The following PDLIM3 variants were observed in gnomAD, a reference collection of about 807,000 sequenced individuals.
PDLIM3 encodes the protein PDZ and LIM domain 3.
In PDLIM3, 36 loss-of-function variants were observed where a neutral mutation model predicts 37.3. The observed-to-expected ratio is 0.97, with a 90% CI of 0.74 to 1.28. The LOEUF is 1.28. Ranked by LOEUF, PDLIM3 falls within the 50% of genes most tolerant of loss-of-function variation. The probability of loss-of-function intolerance (pLI) is 0.00; values close to 1 mark genes in which losing one functional copy is unlikely to be tolerated. For missense variants in PDLIM3, 454 were observed against 485.0 expected (o/e 0.94, Z 0.60); for synonymous variants, 174 against 182.4 (o/e 0.95, Z 0.37).
intron 1 of PDLIM3, among the ~76,000 whole-genome samples, chr4:185,529,635 A>C (rs2095740442): frequency 6.6e-6 from 1 of 152,158 alleles, no homozygotes; most frequent in Admixed American, 6.5e-5. Flanking sequence ...TTATATTAGA[A>C]TCTCTGCATG....
At position 185,512,720 on chromosome 4, in the gene PDLIM3, A is replaced by G. The variant is rs556331604; in HGVS notation, c.398+1550T>C. On this transcript the variant is annotated intron_variant, in intron 4 of 7. Coordinates refer to ENST00000284767, the MANE Select transcript of PDLIM3 (RefSeq NM_014476.6). ...TGTGTGGGTGGACTCAGTCACACTAACCTGAAAAGAATGCAAGTGATTAAT... is the reference window on the plus strand; with the variant it reads ...TGTGTGGGTGGACTCAGTCACACTAGCCTGAAAAGAATGCAAGTGATTAAT... The G allele has an allele frequency of 1.5e-5, 15 of 985,272 alleles. No homozygotes were observed. The African/African-American group carries it at 2.6e-4, about 17-fold the overall frequency. The allele number at this position is 985,272 out of a possible 1,614,324, so 61.0% of individuals were successfully genotyped here.
intron 6 of PDLIM3, among the ~76,000 whole-genome samples, chr4:185,505,384 G>T (rs1407536389): frequency 6.6e-6 from 1 of 152,226 alleles, no homozygotes; most frequent in Non-Finnish European, 1.5e-5. Context: ...AGCACTCTGG[G>T]AGGCCGAGGC....
Position 185,506,589 on chromosome 4 carries a change from A to T in PDLIM3, c.726T>A (p.Asn242Lys). The T allele has an allele frequency of 6.2e-7, 1 of 1,612,640 alleles. No homozygotes were observed. The highest frequency in any genetic ancestry group is 8.5e-7 in the Non-Finnish European group (1 of 1,180,010). ...DVYRMLHDNR[N>K]EPTQPRQSGS... ...CCGACTGGCGAGGCTGTGTGGGCTC[A>T]TTCCGATTGTCGTGGAGCATCCGGT... The change falls in exon 6 of 8, where the codon AAT becomes AAA. Residue 242 changes from asparagine (N) to lysine (K), a missense_variant. By Grantham distance (94) the Asn-to-Lys change is moderately conservative. Coordinates refer to ENST00000284767, the MANE Select transcript of PDLIM3 (RefSeq NM_014476.6).
intron 4 of PDLIM3, among the ~76,000 whole-genome samples, chr4:185,511,772 T>A (rs2095706969): frequency 1.3e-5 from 2 of 152,210 alleles, no homozygotes; most frequent in Non-Finnish European, 2.9e-5. Context: ...GAGGAGTGGA[T>A]GTGGAATGTT....
rs2095686936 is a variant in PDLIM3 at position 185,501,416 on chromosome 4, T to G, written c.*878A>C. 6.6e-6 allele frequency: 1 copy of G among 152,104 alleles called. No individual in the cohort carries two copies. The highest frequency in any genetic ancestry group is 1.5e-5 in the Non-Finnish European group (1 of 68,040). The allele number at this position is 152,104 out of a possible 1,614,324, so 9.4% of individuals were successfully genotyped here. A position where few individuals can be genotyped will look rare whatever the true frequency, so the allele number is the denominator to read the frequency against. On this transcript the variant is annotated 3_prime_UTR_variant, in exon 8 of 8. Transcript: ENST00000284767. Reference sequence around the variant, plus strand: ...ATGCCATCTTGGGAAGAGGAGGAGGTGGTGAACCATTGAGCCTAAGAAACA... The same window carrying G: ...ATGCCATCTTGGGAAGAGGAGGAGGGGGTGAACCATTGAGCCTAAGAAACA...
At chr4:185,533,056 G>C (rs56131401) in intron 1 of PDLIM3, among the ~76,000 whole-genome samples, 18,553 of 152,112 alleles carry the variant, frequency 0.12, 1,406 homozygotes, top group South Asian at 0.28. Flanking sequence ...TGTGATCATC[G>C]GCGGGTTAAT....
rs1297078023 is a variant in PDLIM3 at position 185,504,195 on chromosome 4, T to C, written c.905+280A>G. Among the ~76,000 whole-genome samples, 1 of 152,152 alleles carries C rather than the reference T, an allele frequency of 6.6e-6. No individual in the cohort carries two copies. The highest frequency in any genetic ancestry group is 2.4e-5 in the African/African-American group (1 of 41,432). ...GAGTTTAAAGTGAAGTCTTGATTCT[T>C]AGACGTGACTTTTCAACATACATTT... On this transcript the variant is annotated intron_variant, in intron 7 of 7. Coordinates refer to ENST00000284767, the MANE Select transcript of PDLIM3 (RefSeq NM_014476.6). This position sits in a 1 kb window ranked among gnomAD's most constrained non-coding sequence, Gnocchi z 4.7.
intron 4 of PDLIM3, chr4:185,513,600 G>A: frequency 1.0e-6 from 1 of 986,312 alleles, no homozygotes; most frequent in Non-Finnish European, 1.2e-6. Context: ...TGCAACAGCT[G>A]CGGTAAATCA....
chr4:185,508,900 T>G (rs563088837), intron 4 of PDLIM3, among the ~76,000 whole-genome samples: 12 of 152,348 alleles, frequency 7.9e-5, no homozygotes, highest in African/African-American at 2.9e-4. Flanking sequence ...CCTCACTTTT[T>G]AAAAATAGGC....
At chr4:185,517,324 C>T (rs1416307382) in intron 3 of PDLIM3, 1 of 125,200 alleles carries the variant, frequency 8.0e-6, no homozygotes, top group African/African-American at 2.9e-5. Flanking sequence ...AGTACTGAAT[C>T]ACTTAAGTTT....
At chr4:185,509,683 G>A (rs2095703640) in intron 4 of PDLIM3, among the ~76,000 whole-genome samples, 1 of 152,160 alleles carries the variant, frequency 6.6e-6, no homozygotes, top group African/African-American at 2.4e-5. Flanking sequence ...TCCAGTTAGT[G>A]TTGCTGTAAG....
At chr4:185,512,079 GCACTCTTAT>G (rs1435373261) in intron 4 of PDLIM3, 1 of 146,950 alleles carries the variant, frequency 6.8e-6, no homozygotes, top group Non-Finnish European at 1.5e-5. Context: ...GATGTTGGGG[GCACTCTTAT>G]AATTCTTTTT....
chr4:185,527,585 G>A (rs564098670), intron 1 of PDLIM3, among the ~76,000 whole-genome samples: 37 of 152,288 alleles, frequency 2.4e-4, no homozygotes, highest in Non-Finnish European at 4.7e-4. Flanking sequence ...TTTCATAGCC[G>A]TTTTCCATTT....
rs902530864 is a variant in PDLIM3, at chr4:185,514,760, T to C, written c.331-423A>G. 5 of 1,551,966 alleles carry C rather than the reference T, an allele frequency of 3.2e-6. No individual in the cohort carries two copies. The highest frequency in any genetic ancestry group is 1.2e-5 in the South Asian group (1 of 84,060). ...CTGTCCGTGAAGCGCATCTTGTATA[T>C]TGCTAGTTGAATAGAGCCCAATTGG... On this transcript the variant is annotated intron_variant, in intron 3 of 7. Transcript: ENST00000284767. The surrounding 1 kb of genome is among the most constrained non-coding windows in gnomAD (Gnocchi z 4.0).
chr4:185,509,688 T>TGTAA (rs1191403518), intron 4 of PDLIM3, among the ~76,000 whole-genome samples: 1 of 152,202 alleles, frequency 6.6e-6, no homozygotes. Context: ...TTAGTGTTGC[T>TGTAA]GTAAGCTCAA....
chr4:185,531,855 G>T (rs1266172003), intron 1 of PDLIM3, among the ~76,000 whole-genome samples: 1 of 151,562 alleles, frequency 6.6e-6, no homozygotes, highest in Non-Finnish European at 1.5e-5. Context: ...TTGGGAAGCT[G>T]AGGTGGGCGG....
At chr4:185,509,595 A>AT (rs11419387) in intron 4 of PDLIM3, among the ~76,000 whole-genome samples, 4,528 of 152,262 alleles carry the variant, frequency 0.03, 221 homozygotes, top group African/African-American at 0.1. Flanking sequence ...ATACCAAGAG[A>AT]TTTTTGTAAA....
rs148256486 is a variant in PDLIM3, at chr4:185,506,619, G to C, written c.696C>G (p.Asp232Glu). 3.7e-6 allele frequency: 6 copies of C among 1,609,028 alleles called. No homozygotes were observed. In the African/African-American group the frequency reaches 6.7e-5, roughly 18 times the overall value. ...EPTASVPPES[D>E]VYRMLHDNRN... ...GATTGTCGTGGAGCATCCGGTACACGTCCGACTCGGGGGGCACCGAGGCTG... is the reference window on the plus strand; with the variant it reads ...GATTGTCGTGGAGCATCCGGTACACCTCCGACTCGGGGGGCACCGAGGCTG... The change falls in exon 6 of 8, where the codon GAC becomes GAG. Residue 232 changes from aspartate (D) to glutamate (E), a missense_variant. Coordinates refer to ENST00000284767, the MANE Select transcript of PDLIM3 (RefSeq NM_014476.6).
intron 1 of PDLIM3, among the ~76,000 whole-genome samples, 157 bp from the exon 2 acceptor site, chr4:185,525,328 G>A (rs1475045194): frequency 6.6e-6 from 1 of 152,200 alleles, no homozygotes; most frequent in African/African-American, 2.4e-5. Context: ...GGTCAGTTGA[G>A]TTAGGTCTAT....
Sources: allele counts gnomAD v4.1 joint callset (sites outside exome capture counted in the v4.1 genomes callset), GRCh38; gene constraint gnomAD v4.1.1; non-coding constraint Gnocchi (gnomAD v3.1); transcripts MANE v1.5; gene names NCBI Gene and HGNC (gene_info 2026-07-23, HGNC 2026-07-21).